LRP1B: variants seen among roughly 807,000 people sequenced by gnomAD.
LRP1B encodes low-density lipoprotein receptor-related protein 1B.
A neutral mutation model predicts 556.6 loss-of-function variants in LRP1B; 217 were observed. The ratio of observed to expected loss-of-function variants is 0.39; its 90% CI spans 0.35 to 0.44. The LOEUF is 0.44. Among genes scored for constraint, LRP1B ranks in the 20% least tolerant of loss-of-function variants. The pLI is 1.00. For synonymous variants in LRP1B, 2,047 were observed against 1,865.8 expected, an observed-to-expected ratio of 1.10 and a Z score of -2.50; for missense variants, 5,053 against 5,620.8, an observed-to-expected ratio of 0.90 and a Z score of 3.23.
intron 2 of LRP1B, among the ~76,000 whole-genome samples, chr2:141,700,514 C>A (rs966554562): frequency 1.3e-5 from 2 of 151,738 alleles, no homozygotes; most frequent in Non-Finnish European, 2.9e-5. Context: ...TTACATGTAA[C>A]CCATAAATTA....
intron 7 of LRP1B, among the ~76,000 whole-genome samples, chr2:141,135,464 C>A (rs1413778645): frequency 6.6e-6 from 1 of 151,850 alleles, no homozygotes; most frequent in African/African-American, 2.4e-5. Context: ...TCAACAAAAC[C>A]AACACATATT....
At chr2:141,768,548 C>G (rs1046962133) in intron 2 of LRP1B, among the ~76,000 whole-genome samples, 9 of 151,998 alleles carry the variant, frequency 5.9e-5, no homozygotes, top group Non-Finnish European at 1.3e-4. Context: ...AATTATTGCT[C>G]TCTGTTAAAG....
At chr2:141,029,303 G>A (rs1376569727) in intron 11 of LRP1B, among the ~76,000 whole-genome samples, 1 of 152,126 alleles carries the variant, frequency 6.6e-6, no homozygotes, top group Non-Finnish European at 1.5e-5. Context: ...TGATAAGGTG[G>A]TCCCTTACTG....
intron 2 of LRP1B, among the ~76,000 whole-genome samples, chr2:141,791,622 G>A (rs976033084): frequency 4.6e-5 from 7 of 151,846 alleles, no homozygotes; most frequent in African/African-American, 1.7e-4. Context: ...ATTCCAAATT[G>A]ACATTGAGGT....
chr2:141,986,213 T>G (rs1702182911), intron 1 of LRP1B, among the ~76,000 whole-genome samples: 3 of 152,002 alleles, frequency 2.0e-5, no homozygotes, highest in African/African-American at 7.2e-5. Context: ...TGAATATACT[T>G]ACGTCACTGA....
intron 41 of LRP1B, among the ~76,000 whole-genome samples, chr2:140,674,103 C>A (rs936428764): frequency 6.6e-6 from 1 of 151,910 alleles, no homozygotes; most frequent in Non-Finnish European, 1.5e-5. Flanking sequence ...CGCCCACCAC[C>A]ACGCCTGGCT....
At chr2:140,343,005 T>C (rs80280927) in intron 77 of LRP1B, among the ~76,000 whole-genome samples, 2 of 116,434 alleles carry the variant, frequency 1.7e-5, no homozygotes, top group Non-Finnish European at 3.9e-5. Flanking sequence ...TTTGAAGGAA[T>C]TTTTTTTGTG....
chr2:140,616,868 T>C (rs938670474), intron 41 of LRP1B, among the ~76,000 whole-genome samples: 1 of 151,958 alleles, frequency 6.6e-6, no homozygotes, highest in African/African-American at 2.4e-5. Flanking sequence ...TCTTTCATTA[T>C]TCAATGACTA....
At chr2:140,455,068 A>G (rs1687041516) in intron 62 of LRP1B, among the ~76,000 whole-genome samples, 1 of 152,232 alleles carries the variant, frequency 6.6e-6, no homozygotes, top group Non-Finnish European at 1.5e-5. Context: ...TTGACTAAAT[A>G]GCACCAATAG....
chr2:141,723,895 A>G (rs1448713954), intron 2 of LRP1B, among the ~76,000 whole-genome samples: 1 of 151,898 alleles, frequency 6.6e-6, no homozygotes, highest in Non-Finnish European at 1.5e-5. Context: ...CAATCCACTT[A>G]AAATTCACCA....
intron 1 of LRP1B, among the ~76,000 whole-genome samples, chr2:141,937,993 T>C (rs1217295175): frequency 1.3e-5 from 2 of 152,206 alleles, no homozygotes; most frequent in Non-Finnish European, 2.9e-5. Context: ...CAAAGTTTAG[T>C]AGATGGTGTG....
intron 1 of LRP1B, among the ~76,000 whole-genome samples, chr2:141,841,426 A>G (rs1199653299): frequency 1.3e-5 from 2 of 152,166 alleles, no homozygotes; most frequent in Non-Finnish European, 2.9e-5. Flanking sequence ...GTTAAAATGG[A>G]AAAAAGTATA....
chr2:141,247,485 C>A, intron 4 of LRP1B, 131 bp from the exon 5 acceptor site: 2 of 926,072 alleles, frequency 2.2e-6, no homozygotes, highest in Non-Finnish European at 3.2e-6. Flanking sequence ...TAAGTCTTTT[C>A]AAAACCACAC....
At chr2:141,452,751 G>A (rs1276042390) in intron 3 of LRP1B, among the ~76,000 whole-genome samples, 1 of 152,132 alleles carries the variant, frequency 6.6e-6, no homozygotes, top group Non-Finnish European at 1.5e-5. Context: ...GATAAACCAA[G>A]GTCAGTCCTT....
In LRP1B at chr2:141,668,290, T is replaced by G. The variant is rs367695731; in HGVS notation, c.205+141989A>C. 2.6e-5 allele frequency among the ~76,000 whole-genome samples: 4 copies of G among 152,124 alleles called. No homozygotes were observed. The South Asian group carries it at 6.2e-4, about 24-fold the overall frequency. ...GGACAGGAGACAGGGAAATACTGGG[T>G]AGAGGATGGTGGTTCTCCAGCAAAG... On this transcript the variant is annotated intron_variant, in intron 2 of 90. Coordinates refer to ENST00000389484, the MANE Select transcript of LRP1B (RefSeq NM_018557.3).
intron 3 of LRP1B, among the ~76,000 whole-genome samples, chr2:141,348,375 A>G (rs115952251): frequency 2.0e-5 from 3 of 152,102 alleles, no homozygotes; most frequent in African/African-American, 7.2e-5. Flanking sequence ...TAAGCACAAA[A>G]TGATGATAAC....
chr2:140,902,424 A>G (rs779433966), intron 23 of LRP1B, among the ~76,000 whole-genome samples: 5 of 152,108 alleles, frequency 3.3e-5, no homozygotes, highest in Non-Finnish European at 7.4e-5. Flanking sequence ...AATGTAAGTT[A>G]CACAATTAGA....
chr2:140,635,464 T>C (rs1368924438), intron 41 of LRP1B, among the ~76,000 whole-genome samples: 1 of 152,082 alleles, frequency 6.6e-6, no homozygotes, highest in African/African-American at 2.4e-5. Context: ...GTTATTTTTA[T>C]ATTCATTTAT....
At chr2:140,930,581 T>C (rs1429339) in intron 20 of LRP1B, among the ~76,000 whole-genome samples, 143,195 of 152,202 alleles carry the variant, frequency 0.94, 68,012 homozygotes, top group East Asian at 1. Context: ...TAGAAAACAG[T>C]CAAGAATGTT....
Sources: gnomAD v4.1 joint callset for allele counts (sites outside exome capture counted in the v4.1 genomes callset) on GRCh38, gnomAD v4.1.1 for gene constraint, MANE v1.5 for transcripts, NCBI Gene and HGNC (gene_info 2026-07-23, HGNC 2026-07-21) for gene names.